The following NKAIN2 variants were observed in gnomAD, a reference collection of about 807,000 sequenced individuals.
NKAIN2 encodes the protein sodium/potassium-transporting ATPase subunit beta-1-interacting protein 2.
NKAIN2 carries 14 observed loss-of-function variants against 32.6 expected under a neutral mutation model. The observed-to-expected ratio is 0.43, with a 90% CI of 0.28 to 0.67. The LOEUF is 0.67. NKAIN2 is among the 30% of genes least tolerant of loss of function. The pLI is 0.17. For missense variants in NKAIN2, 198 were observed against 258.3 expected, an observed-to-expected ratio of 0.77 and a Z score of 1.60; for synonymous variants, 80 against 87.2, an observed-to-expected ratio of 0.92 and a Z score of 0.46.
intron 4 of NKAIN2, among the ~76,000 whole-genome samples, chr6:124,678,694 T>A (rs532512971): frequency 6.6e-6 from 1 of 152,308 alleles, no homozygotes; most frequent in South Asian, 2.1e-4. Flanking sequence ...CCACCATAGT[T>A]TGGAGTTCAT....
intron 2 of NKAIN2, among the ~76,000 whole-genome samples, chr6:124,316,009 A>G (rs1171503444): frequency 6.6e-6 from 1 of 152,112 alleles, no homozygotes; most frequent in Non-Finnish European, 1.5e-5. Flanking sequence ...ATCAACAAAG[A>G]GGATTTGGTT....
chr6:124,538,011 C>T (rs185311794), intron 3 of NKAIN2, among the ~76,000 whole-genome samples: 63 of 152,098 alleles, frequency 4.1e-4, no homozygotes, highest in Non-Finnish European at 3.7e-4. Context: ...TTTATTTGTC[C>T]ATTCTCATAA....
chr6:124,192,235 A>T (rs186166114), intron 1 of NKAIN2, among the ~76,000 whole-genome samples: 1 of 152,298 alleles, frequency 6.6e-6, no homozygotes, highest in East Asian at 1.9e-4. Flanking sequence ...ATTTACAACC[A>T]TAAAGGTCCC....
intron 1 of NKAIN2, among the ~76,000 whole-genome samples, chr6:123,903,941 T>C (rs1449203136): frequency 6.7e-6 from 1 of 149,220 alleles, no homozygotes; most frequent in Non-Finnish European, 1.5e-5. Flanking sequence ...AAACAAGAAA[T>C]GATTGGCCGG....
chr6:124,558,913 C>T (rs760386727), intron 3 of NKAIN2, among the ~76,000 whole-genome samples: 6 of 152,060 alleles, frequency 3.9e-5, no homozygotes, highest in Non-Finnish European at 8.8e-5. Flanking sequence ...CATACCATTG[C>T]GCTCCAGCTT....
At chr6:124,675,289 T>G (rs1470488913) in intron 4 of NKAIN2, among the ~76,000 whole-genome samples, 1 of 152,034 alleles carries the variant, frequency 6.6e-6, no homozygotes, top group Admixed American at 6.6e-5. Context: ...GATGTTTTTG[T>G]TTTGCTAGTA....
intron 2 of NKAIN2, among the ~76,000 whole-genome samples, chr6:124,302,403 C>T (rs1345845486): frequency 2.0e-5 from 3 of 152,204 alleles, no homozygotes; most frequent in Non-Finnish European, 4.4e-5. Context: ...CTCCATGACA[C>T]AGACTATCCA....
At chr6:124,546,868 G>A (rs1780113014) in intron 3 of NKAIN2, among the ~76,000 whole-genome samples, 1 of 152,170 alleles carries the variant, frequency 6.6e-6, no homozygotes, top group Non-Finnish European at 1.5e-5. Context: ...GAGATAAACA[G>A]AGAGAAAGCA....
intron 3 of NKAIN2, among the ~76,000 whole-genome samples, chr6:124,519,444 C>T (rs1779042295): frequency 6.6e-6 from 1 of 152,132 alleles, no homozygotes; most frequent in Non-Finnish European, 1.5e-5. Context: ...AAGAATTACA[C>T]TACTGGAGAG....
At chr6:124,081,785 T>C (rs1783977027) in intron 1 of NKAIN2, among the ~76,000 whole-genome samples, 1 of 152,066 alleles carries the variant, frequency 6.6e-6, no homozygotes, top group Non-Finnish European at 1.5e-5. Flanking sequence ...CTTTAGGCAA[T>C]CCAGTTAAAA....
At chr6:124,576,985 C>T in intron 3 of NKAIN2, among the ~76,000 whole-genome samples, 1 of 152,266 alleles carries the variant, frequency 6.6e-6, no homozygotes, top group East Asian at 1.9e-4. Context: ...TTTGTAAGAA[C>T]TGAAACCTCT....
At chr6:124,666,347 A>G (rs182336513) in intron 4 of NKAIN2, among the ~76,000 whole-genome samples, 7 of 152,308 alleles carry the variant, frequency 4.6e-5, no homozygotes, top group Admixed American at 4.6e-4. Flanking sequence ...ATTTCTGGGC[A>G]CAGCTCAGAG....
chr6:123,900,531 A>ATTTTTTTT (rs1774515956), intron 1 of NKAIN2, among the ~76,000 whole-genome samples: 2 of 23,850 alleles, frequency 8.4e-5, no homozygotes, highest in Admixed American at 8.7e-4. Context: ...TCTCCAGATT[A>ATTTTTTTT]GTTTTTTTTT....
At chr6:124,215,743 T>C (rs1290456644) in intron 1 of NKAIN2, among the ~76,000 whole-genome samples, 1 of 152,152 alleles carries the variant, frequency 6.6e-6, no homozygotes, top group Non-Finnish European at 1.5e-5. Context: ...TTCTTAGGAA[T>C]CCATCAGAGG....
At chr6:124,413,361 T>G (rs617762) in intron 3 of NKAIN2, among the ~76,000 whole-genome samples, 29,616 of 152,204 alleles carry the variant, frequency 0.19, 2,959 homozygotes, top group East Asian at 0.24. Context: ...TCTTCACTCC[T>G]CTGTGCCTTT....
chr6:124,239,702 A>C (rs1792969491), intron 1 of NKAIN2, among the ~76,000 whole-genome samples: 1 of 152,202 alleles, frequency 6.6e-6, no homozygotes, highest in African/African-American at 2.4e-5. Context: ...ACCAATGAGA[A>C]CAAAGACACA....
At chr6:124,113,867 T>G (rs898581505) in intron 1 of NKAIN2, among the ~76,000 whole-genome samples, 11 of 152,320 alleles carry the variant, frequency 7.2e-5, no homozygotes, top group Middle Eastern at 3.4e-3. Context: ...CAGGGAATTC[T>G]TCCATCAATT....
intron 1 of NKAIN2, among the ~76,000 whole-genome samples, chr6:124,023,143 C>G (rs1480370536): frequency 2.0e-5 from 3 of 150,910 alleles, no homozygotes; most frequent in African/African-American, 7.3e-5. Context: ...CAAGCAACCT[C>G]TACTAGCATA....
chr6:124,293,032 A>C (rs540003880), intron 2 of NKAIN2, among the ~76,000 whole-genome samples: 1 of 152,118 alleles, frequency 6.6e-6, no homozygotes, highest in South Asian at 2.1e-4. Flanking sequence ...ATCTAATGGC[A>C]ATAGCAAAAA....
Sources: allele counts gnomAD v4.1 joint callset (sites outside exome capture counted in the v4.1 genomes callset), GRCh38; gene constraint gnomAD v4.1.1; transcripts MANE v1.5; gene names NCBI Gene and HGNC (gene_info 2026-07-23, HGNC 2026-07-21).